Variants in PECAM1 observed in about 807,000 individuals in gnomAD.
The protein encoded by PECAM1 is platelet endothelial cell adhesion molecule.
Under a neutral mutation model 13.8 loss-of-function variants are expected in PECAM1, and 8 were observed. The ratio of observed to expected loss-of-function variants is 0.58; its 90% CI spans 0.34 to 1.05. The LOEUF (loss-of-function observed/expected upper bound fraction) is 1.05. PECAM1 is among the 50% of genes least tolerant of loss of function. PECAM1 has a pLI of 0.03. For missense variants in PECAM1, 304 were observed against 141.2 expected (o/e 2.15, Z -5.84); for synonymous variants, 136 against 52.6 (o/e 2.58, Z -6.86).
intron 2 of PECAM1, among the ~76,000 whole-genome samples, chr17:64,381,896 T>C (rs1022736393): frequency 6.6e-6 from 1 of 151,062 alleles, no homozygotes; most frequent in Non-Finnish European, 1.5e-5. Context: ...AGGTCAGGAG[T>C]TCAAGACCAG....
chr17:64,381,828 C>T (rs1018444600), intron 2 of PECAM1, among the ~76,000 whole-genome samples: 15 of 152,274 alleles, frequency 9.9e-5, no homozygotes, highest in Admixed American at 7.8e-4. Flanking sequence ...CAGCCGGGCA[C>T]GGTGGTTTAT....
At chr17:64,354,294 C>A (rs976271290) in intron 9 of PECAM1, among the ~76,000 whole-genome samples, 1 of 152,086 alleles carries the variant, frequency 6.6e-6, no homozygotes, top group Admixed American at 6.6e-5. Flanking sequence ...TCAATCCCTG[C>A]GTTTGTAACT....
intron 9 of PECAM1, 139 bp from the exon 10 acceptor site, chr17:64,353,657 G>A (rs1347625468): frequency 1.5e-5 from 6 of 403,516 alleles, no homozygotes; most frequent in Non-Finnish European, 2.2e-5. Flanking sequence ...TTTACTCCTA[G>A]TAAGCTGTGA....
intron 11 of PECAM1, among the ~76,000 whole-genome samples, chr17:64,351,961 G>C (rs1362178288): frequency 6.6e-6 from 1 of 152,216 alleles, no homozygotes; most frequent in Non-Finnish European, 1.5e-5. Flanking sequence ...CCTTTACTGA[G>C]AGAATATTGA....
intron 14 of PECAM1, among the ~76,000 whole-genome samples, chr17:64,334,906 T>A (rs924259031): frequency 4.3e-4 from 65 of 152,134 alleles, no homozygotes; most frequent in African/African-American, 1.5e-3. Flanking sequence ...GAAAGATCCC[T>A]CCAGGATTTC....
In PECAM1 at chr17:64,379,434, C is replaced by T. The variant is rs1309225468; in HGVS notation, c.92-1317G>A. Among the ~76,000 whole-genome samples the T allele has an allele frequency of 5.3e-5, 8 of 152,280 alleles. No homozygotes were observed. The East Asian group carries it at 1.5e-3, about 29-fold the overall frequency. ...GTGGGCAACTGCCCTGAAAATTTTC[C>T]AGGCTAGAAGATCCTGAACCATGCC... On this transcript the variant is annotated intron_variant, in intron 2 of 15. Coordinates refer to ENST00000563924, the MANE Select transcript of PECAM1 (RefSeq NM_000442.5).
chr17:64,347,285 A>AG (rs1465982527), intron 13 of PECAM1, among the ~76,000 whole-genome samples: 3 of 151,876 alleles, frequency 2.0e-5, no homozygotes, highest in Non-Finnish European at 1.5e-5. Context: ...TGGGAGGCTG[A>AG]GGGGGGTGGA....
At chr17:64,336,190 C>T (rs1222153832) in intron 14 of PECAM1, among the ~76,000 whole-genome samples, 3 of 151,798 alleles carry the variant, frequency 2.0e-5, no homozygotes, top group African/African-American at 7.3e-5. Flanking sequence ...CACTTGAACC[C>T]GGGAGCTGGA....
rs2034818939 is a variant in PECAM1, at chr17:64,321,982, C to T, written c.*1834G>A. 7.9e-7 allele frequency: 1 copy of T among 1,269,894 alleles called. No individual in the cohort carries two copies. The highest frequency in any genetic ancestry group is 1.5e-5 in the African/African-American group (1 of 65,160). The allele number at this position is 1,269,894 out of a possible 1,614,324, so 78.7% of individuals were successfully genotyped here. A position where few individuals can be genotyped will look rare whatever the true frequency, so the allele number is the denominator to read the frequency against. On this transcript the variant is annotated 3_prime_UTR_variant, in exon 16 of 16. Transcript: ENST00000563924. ...ATCCTTTGACCTCAATCTGAGCCCACCACTCAGAAAACCTGGAAATTGTAT... is the reference window on the plus strand; with the variant it reads ...ATCCTTTGACCTCAATCTGAGCCCATCACTCAGAAAACCTGGAAATTGTAT...
intron 3 of PECAM1, among the ~76,000 whole-genome samples, chr17:64,375,696 T>C (rs1333953411): frequency 3.3e-5 from 5 of 151,082 alleles, no homozygotes; most frequent in African/African-American, 1.2e-4. Flanking sequence ...TAGTTAGTGG[T>C]GTGCACTGGT....
At chr17:64,369,442 G>A (rs1485623360) in intron 5 of PECAM1, among the ~76,000 whole-genome samples, 1 of 152,120 alleles carries the variant, frequency 6.6e-6, no homozygotes, top group Non-Finnish European at 1.5e-5. Context: ...CATTATAGCA[G>A]TCCTAAAAGG....
At chr17:64,340,959 T>G (rs2035411893) in intron 14 of PECAM1, among the ~76,000 whole-genome samples, 1 of 151,966 alleles carries the variant, frequency 6.6e-6, no homozygotes. Flanking sequence ...TAGCTGGGTG[T>G]GGTGGCACAT....
At chr17:64,336,569 C>G (rs2035280945) in intron 14 of PECAM1, among the ~76,000 whole-genome samples, 1 of 152,196 alleles carries the variant, frequency 6.6e-6, no homozygotes, top group Non-Finnish European at 1.5e-5. Context: ...GATGCCTGCT[C>G]TTTAGCAACC....
chr17:64,334,717 C>T (rs1332982192), intron 14 of PECAM1, among the ~76,000 whole-genome samples: 2 of 152,114 alleles, frequency 1.3e-5, no homozygotes, highest in African/African-American at 4.8e-5. Flanking sequence ...CCGTGTTAGC[C>T]AGGATGGTCT....
chr17:64,377,823 C>T lies in PECAM1; in HGVS notation c.385+1G>A. 1 of 475,310 alleles carries T rather than the reference C, an allele frequency of 2.1e-6. No individual in the cohort carries two copies. 29.4% of individuals were successfully genotyped at this position (475,310 alleles called of 1,614,324 possible). A position where few individuals can be genotyped will look rare whatever the true frequency, so the allele number is the denominator to read the frequency against. On this transcript the variant is annotated splice_donor_variant, in intron 3 of 15. Transcript: ENST00000563924. LOFTEE classifies it high-confidence loss of function. ...GCCTGTGCTCAGTTCCAAGGACTCA[C>T]CTTCCACCAACACCTGGTACTCTGC...
intron 13 of PECAM1, among the ~76,000 whole-genome samples, chr17:64,344,714 C>T (rs1346948958): frequency 6.6e-6 from 1 of 152,130 alleles, no homozygotes; most frequent in East Asian, 1.9e-4. Flanking sequence ...TGGCTCTCCA[C>T]CCACAGGAAG....
In PECAM1 at chr17:64,353,304, GGTACACACACACAC is replaced by G. The variant is rs1468500742; in HGVS notation, c.1916+173_1916+186del. On this transcript the variant is annotated intron_variant, in intron 10 of 15. Transcript: ENST00000563924. ...AGGACAATTGGCATTCTTCCACGGA[GGTACACACACACAC>G]ACACACACACACACACACACACAAC... Among the ~76,000 whole-genome samples, 20 of 144,220 alleles carry G rather than the reference GGTACACACACACAC, an allele frequency of 1.4e-4. No individual in the cohort carries two copies. The South Asian group carries it at 2.5e-3, about 18-fold the overall frequency. The allele number at this position is 144,220 out of a possible 152,430, so 94.6% of individuals were successfully genotyped here.
intron 15 of PECAM1, among the ~76,000 whole-genome samples, chr17:64,325,486 A>G (rs7216375): frequency 0.53 from 80,722 of 151,922 alleles, 21,577 homozygotes; most frequent in East Asian, 0.69. Context: ...CTGTAATCCC[A>G]GCACTTTGGG....
chr17:64,381,262 T>A lies in PECAM1; in HGVS notation c.92-3145A>T, dbSNP rs935293722. 4.2e-3 allele frequency among the ~76,000 whole-genome samples: 636 copies of A among 152,324 alleles called. 2 individuals are homozygous for A. The highest frequency in any genetic ancestry group is 0.015 in the African/African-American group (615 of 41,578). ...TCTGAGAATGTTCTAATGGACCTTG[T>A]TCCTCTTTTTGCTTTGATTGTTAAC... On this transcript the variant is annotated intron_variant, in intron 2 of 15. Coordinates refer to ENST00000563924, the MANE Select transcript of PECAM1 (RefSeq NM_000442.5).
Sources: allele counts gnomAD v4.1 joint callset (sites outside exome capture counted in the v4.1 genomes callset), GRCh38; gene constraint gnomAD v4.1.1; transcripts MANE v1.5; gene names NCBI Gene and HGNC (gene_info 2026-07-23, HGNC 2026-07-21).